B4GALNT3: variants seen among roughly 807,000 people sequenced by gnomAD.
B4GALNT3 encodes beta-1,4-N-acetylgalactosaminyltransferase 3.
A neutral mutation model predicts 120.2 loss-of-function variants in B4GALNT3; 86 were observed. The observed-to-expected ratio is 0.72, with a 90% CI of 0.60 to 0.86. The LOEUF is 0.86. B4GALNT3 is among the 40% of genes least tolerant of loss of function. B4GALNT3 has a pLI of 0.00. For missense variants in B4GALNT3, 1,167 were observed against 1,298.9 expected, an observed-to-expected ratio of 0.90 and a Z score of 1.56; for synonymous variants, 518 against 510.4, an observed-to-expected ratio of 1.01 and a Z score of -0.20.
Position 545,277 on chromosome 12 carries a change from G to A in B4GALNT3, c.539-92G>A, listed in dbSNP as rs1012016257. 8.6e-6 allele frequency: 13 copies of A among 1,512,306 alleles called. No homozygotes were observed. In the African/African-American group the frequency reaches 1.5e-4, roughly 18 times the overall value. The allele number at this position is 1,512,306 out of a possible 1,614,324, so 93.7% of individuals were successfully genotyped here. Reference sequence around the variant, plus strand: ...GGAAGCCACAGCATCAAGCACTGAAGGGAATTTAATCGCTAAGACACTCAC... The same window carrying A: ...GGAAGCCACAGCATCAAGCACTGAAAGGAATTTAATCGCTAAGACACTCAC... On this transcript the variant is annotated intron_variant, in intron 5 of 19. Transcript: ENST00000266383.
intron 19 of B4GALNT3, among the ~76,000 whole-genome samples, chr12:560,117 G>T (rs1483281085): frequency 6.6e-6 from 1 of 152,190 alleles, no homozygotes; most frequent in Non-Finnish European, 1.5e-5. Flanking sequence ...GAAATGTGCT[G>T]CCAAGAGAAG....
chr12:535,876 G>T (rs1946853316), intron 2 of B4GALNT3, among the ~76,000 whole-genome samples: 1 of 152,138 alleles, frequency 6.6e-6, no homozygotes, highest in Admixed American at 6.5e-5. Context: ...GGGAGGGTTT[G>T]GTGGTGTCCC....
chr12:544,763 C>T lies in B4GALNT3; in HGVS notation c.448-119C>T, dbSNP rs1946970437. The T allele has an allele frequency of 1.3e-5, 13 of 1,004,772 alleles. No homozygotes were observed. The South Asian group carries it at 1.9e-4, about 14-fold the overall frequency. 62.2% of individuals were successfully genotyped at this position (1,004,772 alleles called of 1,614,324 possible). ...TGAAATTGAGCCTGCACTCCACTCA[C>T]AAAGCCACAGCCCTGGTCCCTCCTG... On this transcript the variant is annotated intron_variant, in intron 4 of 19. Transcript: ENST00000266383.
chr12:479,206 CT>C (rs35451048), intron 1 of B4GALNT3, among the ~76,000 whole-genome samples: 2 of 151,076 alleles, frequency 1.3e-5, no homozygotes, highest in African/African-American at 4.9e-5. Context: ...ATGGCTGTGG[CT>C]TTTTTTTTAT....
chr12:553,658 C>G lies in B4GALNT3; in HGVS notation c.1735C>G (p.Arg579Gly), dbSNP rs578203139. 3 of 1,613,858 alleles carry G rather than the reference C, an allele frequency of 1.9e-6. No homozygotes were observed. Among genetic ancestry groups the G allele is most frequent in the Non-Finnish European group, 2.5e-6 (3 of 1,179,902 alleles). Reference protein sequence around the residue: ...IAEQRRGDRMRPQAPGRGWHG... With the variant: ...IAEQRRGDRMGPQAPGRGWHG... ...AGAGCAGAGACGGGGTGACAGGATG[C>G]GGCCTCAGGCCCCTGGAAGGGGCTG... The change falls in exon 14 of 20, where the codon CGG becomes GGG. Residue 579 changes from arginine to glycine, a missense_variant. Around this residue, in one of 3 missense-constraint regions of B4GALNT3, gnomAD observed 983 missense variants for 1,102.5 expected, o/e 0.89. Transcript: ENST00000266383.
chr12:482,681 G>C (rs1946253237), intron 1 of B4GALNT3, among the ~76,000 whole-genome samples: 1 of 152,126 alleles, frequency 6.6e-6, no homozygotes. Context: ...GGCACAGAGG[G>C]CTTCAAAACG....
intron 1 of B4GALNT3, among the ~76,000 whole-genome samples, chr12:468,761 C>A (rs1946107408): frequency 6.6e-6 from 1 of 152,160 alleles, no homozygotes; most frequent in South Asian, 2.1e-4. Flanking sequence ...GAATCCCTGC[C>A]CAGGGAATAG....
intron 3 of B4GALNT3, among the ~76,000 whole-genome samples, chr12:542,101 C>A (rs1329132349): frequency 6.6e-6 from 1 of 152,172 alleles, no homozygotes; most frequent in Non-Finnish European, 1.5e-5. Context: ...CCTACTTTCC[C>A]TCTCCCATCC....
chr12:536,970 C>CT (rs539298748), intron 3 of B4GALNT3, among the ~76,000 whole-genome samples: 110 of 152,250 alleles, frequency 7.2e-4, no homozygotes, highest in African/African-American at 2.5e-3. Context: ...GTTAAATAAG[C>CT]TTTTAAAACT....
At chr12:526,119 A>G (rs770756506) in intron 1 of B4GALNT3, among the ~76,000 whole-genome samples, 3 of 152,196 alleles carry the variant, frequency 2.0e-5, no homozygotes, top group African/African-American at 4.8e-5. Context: ...CCTCAAGTCC[A>G]TGGATGTCCG....
At chr12:496,486 G>A (rs557639535) in intron 1 of B4GALNT3, among the ~76,000 whole-genome samples, 14 of 152,240 alleles carry the variant, frequency 9.2e-5, no homozygotes, top group Non-Finnish European at 1.6e-4. Flanking sequence ...TGTGATCCCA[G>A]CTACCTGGCA....
chr12:475,056 A>G (rs538586717), intron 1 of B4GALNT3, among the ~76,000 whole-genome samples: 1 of 151,686 alleles, frequency 6.6e-6, no homozygotes, highest in African/African-American at 2.4e-5. Context: ...TGAGGCTGCA[A>G]TGAGCTATGA....
Position 552,521 on chromosome 12 carries a change from G to A in B4GALNT3, c.1263G>A (p.Glu421=). ...ACCAGCCTGAGAAGCAGGGGCTGGAGCAGCCAGGTACAGAGTGACAGCTGA... is the reference window on the plus strand; with the variant it reads ...ACCAGCCTGAGAAGCAGGGGCTGGAACAGCCAGGTACAGAGTGACAGCTGA... ...KIDQPEKQGL[E]QPGFEENLLE... is the part of the protein sequence containing the mutation. The change falls in exon 13 of 20, where the codon GAG becomes GAA. Residue 421 remains glutamate, a synonymous_variant. Coordinates refer to ENST00000266383, the MANE Select transcript of B4GALNT3 (RefSeq NM_173593.4). 6.2e-7 allele frequency: 1 copy of A among 1,613,700 alleles called. No homozygotes were observed. The highest frequency in any genetic ancestry group is 8.5e-7 in the Non-Finnish European group (1 of 1,179,912).
In B4GALNT3 at chr12:460,640, C is replaced by T. The variant is rs1453109449; in HGVS notation, c.169+95C>T. 1 of 1,153,418 alleles carries T rather than the reference C, an allele frequency of 8.7e-7. No homozygotes were observed. The highest frequency in any genetic ancestry group is 1.1e-6 in the Non-Finnish European group (1 of 907,182). 71.4% of individuals were successfully genotyped at this position (1,153,418 alleles called of 1,614,324 possible). On this transcript the variant is annotated intron_variant, in intron 1 of 19. Transcript: ENST00000266383. This position sits in a 1 kb window ranked among gnomAD's most constrained non-coding sequence, Gnocchi z 8.0. Reference sequence around the variant, plus strand: ...CCCGCCTCTCATCCCATCCTCAGACCCGATTTCCCACCCATTTCTCCCTCA... The same window carrying T: ...CCCGCCTCTCATCCCATCCTCAGACTCGATTTCCCACCCATTTCTCCCTCA...
chr12:476,516 C>T (rs1946186978), intron 1 of B4GALNT3, among the ~76,000 whole-genome samples: 3 of 152,100 alleles, frequency 2.0e-5, no homozygotes. Context: ...GAGGCTGAGG[C>T]AGGTGGATCG....
intron 1 of B4GALNT3, among the ~76,000 whole-genome samples, chr12:463,411 A>G (rs1946044137): frequency 6.6e-6 from 1 of 152,232 alleles, no homozygotes; most frequent in Admixed American, 6.5e-5. Context: ...AATCCTTAAC[A>G]AATAGAAAAT....
chr12:534,994 C>T (rs1946843608), intron 1 of B4GALNT3, among the ~76,000 whole-genome samples, 172 bp from the exon 2 acceptor site: 2 of 152,340 alleles, frequency 1.3e-5, no homozygotes, highest in East Asian at 1.9e-4. Context: ...GCCCTGTGGG[C>T]CTTGGCCAGT....
rs199510861 is a variant in B4GALNT3, at chr12:559,388, G to T, written c.2855G>T (p.Arg952Leu). ...GGMNTKEFRDRWGGEDWELLD... is the reference protein window; with the variant it reads ...GGMNTKEFRDLWGGEDWELLD... ...ATGAACACCAAGGAGTTCCGAGACC[G>T]CTGGGGCGGGGAAGACTGGGAGCTG... Residue 952 changes from arginine to leucine, a missense_variant, in exon 19 of 20, where the codon CGC (arginine) becomes CTC (leucine). By Grantham distance (102) the Arg-to-Leu change is moderately radical. Around this residue, in one of 3 missense-constraint regions of B4GALNT3, gnomAD observed 983 missense variants for 1,102.5 expected, o/e 0.89. Transcript: ENST00000266383. 4 of 1,613,956 alleles carry T rather than the reference G, an allele frequency of 2.5e-6. No individual in the cohort carries two copies. Among genetic ancestry groups the T allele is most frequent in the Non-Finnish European group, 3.4e-6 (4 of 1,179,912 alleles).
intron 3 of B4GALNT3, among the ~76,000 whole-genome samples, chr12:542,889 G>T (rs1165348735): frequency 2.0e-5 from 3 of 152,216 alleles, no homozygotes; most frequent in African/African-American, 7.2e-5. Flanking sequence ...CCTCCCAGCT[G>T]CTTCCCAAGG....
Sources: allele counts gnomAD v4.1 joint callset (sites outside exome capture counted in the v4.1 genomes callset), GRCh38; gene constraint gnomAD v4.1.1; regional missense constraint gnomAD v4.1.1; non-coding constraint Gnocchi (gnomAD v3.1); transcripts MANE v1.5; gene names NCBI Gene and HGNC (gene_info 2026-07-23, HGNC 2026-07-21).